Variants in SLITRK5 observed in about 807,000 individuals in gnomAD.
SLITRK5 encodes SLIT and NTRK-like protein 5.
A neutral mutation model predicts 56.2 loss-of-function variants in SLITRK5; 23 were observed. The ratio of observed to expected loss-of-function variants is 0.41; its 90% CI spans 0.29 to 0.58. The LOEUF (loss-of-function observed/expected upper bound fraction) is 0.58. SLITRK5 is among the 20% of genes least tolerant of loss of function. The pLI is 0.30. For missense variants in SLITRK5, 1,289 were observed against 1,226.6 expected (o/e 1.05, Z -0.76); for synonymous variants, 637 against 531.8 (o/e 1.20, Z -2.72).
At position 87,675,752 on chromosome 13, in the gene SLITRK5, A is replaced by G. The variant is rs1213653746; in HGVS notation, c.364A>G (p.Thr122Ala). 6.2e-7 allele frequency: 1 copy of G among 1,614,014 alleles called. No individual in the cohort carries two copies. Among genetic ancestry groups the G allele is most frequent in the Non-Finnish European group, 8.5e-7 (1 of 1,180,034 alleles). The stretch of plus-strand genomic sequence containing the variant: ...TAGCAATGTTATCCAGGACATTGAG[A>G]CCGGGGCTTTCCATGGGCTACGGGG... ...LGSNVIQDIE[T>A]GAFHGLRGLR... Residue 122 changes from threonine (T) to alanine (A), a missense_variant, in exon 2 of 2, where the codon ACC becomes GCC. By Grantham distance (58) the Thr-to-Ala change is moderately conservative. Coordinates refer to ENST00000683689, the MANE Select transcript of SLITRK5 (RefSeq NM_001384609.1).
rs1393571682 is a variant in SLITRK5, at chr13:87,677,957, G to C, written c.2569G>C (p.Gly857Arg). 2 of 1,613,974 alleles carry C rather than the reference G, an allele frequency of 1.2e-6. No individual in the cohort carries two copies. Among genetic ancestry groups the C allele is most frequent in the East Asian group, 4.5e-5 (2 of 44,836 alleles). ...PVQDADRFYRGILEPDKHCST... is the reference protein window; with the variant it reads ...PVQDADRFYRRILEPDKHCST... ...GCAGGACGCCGACCGCTTTTACAGGGGCATTTTAGAACCAGACAAACACTG... is the reference window on the plus strand; with the variant it reads ...GCAGGACGCCGACCGCTTTTACAGGCGCATTTTAGAACCAGACAAACACTG... The change falls in exon 2 of 2, where the codon GGC becomes CGC. Residue 857 changes from glycine to arginine, a missense_variant. By Grantham distance (125) the Gly-to-Arg change is moderately radical. Around this residue, in one of 3 missense-constraint regions of SLITRK5, gnomAD observed 985 missense variants for 906.0 expected, o/e 1.09. Transcript: ENST00000683689. This position sits in a 1 kb window ranked among gnomAD's most constrained non-coding sequence, Gnocchi z 4.7.
Position 87,676,585 on chromosome 13 carries a change from G to T in SLITRK5, c.1197G>T (p.Glu399Asp). ...TAAACTGCCAGGAGCGAAAGATCGAGAGCATCGCTGAACTGCAGCCCAAGC... is the reference window on the plus strand; with the variant it reads ...TAAACTGCCAGGAGCGAAAGATCGATAGCATCGCTGAACTGCAGCCCAAGC... The part of the protein sequence containing the change: ...LNVNCQERKI[E>D]SIAELQPKPY... The change falls in exon 2 of 2, where the codon GAG (glutamate) becomes GAT (aspartate). Residue 399 changes from glutamate (E) to aspartate (D), a missense_variant. By Grantham distance (45) the Glu-to-Asp change is conservative (BLOSUM62 2). Transcript: ENST00000683689. The T allele has an allele frequency of 6.2e-7, 1 of 1,614,124 alleles. No homozygotes were observed. Among genetic ancestry groups the T allele is most frequent in the South Asian group, 1.1e-5 (1 of 91,078 alleles).
At chr13:87,674,428 T>A in intron 1 of SLITRK5, 2 of 984,806 alleles carry the variant, frequency 2.0e-6, no homozygotes. Context: ...TTCGTGCTGA[T>A]CCTTGGTGTA....
chr13:87,677,446 G>T lies in SLITRK5; in HGVS notation c.2058G>T (p.Val686=). The T allele has an allele frequency of 6.2e-7, 1 of 1,613,050 alleles. No individual in the cohort carries two copies. The highest frequency in any genetic ancestry group is 8.5e-7 in the Non-Finnish European group (1 of 1,180,008). ...MSVFVAAGLF[V]LVMKRRKKNQ... Reference sequence around the variant, plus strand: ...TCTTCGTGGCCGCCGGGCTCTTCGTGCTGGTCATGAAGCGCAGGAAGAAGA... The same window carrying T: ...TCTTCGTGGCCGCCGGGCTCTTCGTTCTGGTCATGAAGCGCAGGAAGAAGA... Residue 686 remains valine, a synonymous_variant, in exon 2 of 2, where the codon GTG becomes GTT. Coordinates refer to ENST00000683689, the MANE Select transcript of SLITRK5 (RefSeq NM_001384609.1). The surrounding 1 kb of genome is among the most constrained non-coding windows in gnomAD (Gnocchi z 4.7).
At chr13:87,673,022 G>C (rs943262960) in intron 1 of SLITRK5, among the ~76,000 whole-genome samples, 8 of 151,258 alleles carry the variant, frequency 5.3e-5, no homozygotes, top group Middle Eastern at 3.4e-3. Flanking sequence ...CTGGAACTCC[G>C]GGTGCTTCTG....
chr13:87,674,899 G>A lies in SLITRK5; in HGVS notation c.-8-482G>A, dbSNP rs74105828. 5.5e-3 allele frequency among the ~76,000 whole-genome samples: 805 copies of A among 146,564 alleles called. 6 individuals carry two copies. The highest frequency in any genetic ancestry group is 0.019 in the African/African-American group (750 of 40,360). Reference sequence around the variant, plus strand: ...AAGTATTTTGGCTCCTTGCCTCTCTGTGAACATGAGAGACCTTCACGGTGA... The same window carrying A: ...AAGTATTTTGGCTCCTTGCCTCTCTATGAACATGAGAGACCTTCACGGTGA... On this transcript the variant is annotated intron_variant, in intron 1 of 1. Coordinates refer to ENST00000683689, the MANE Select transcript of SLITRK5 (RefSeq NM_001384609.1).
chr13:87,676,652 G>A lies in SLITRK5; in HGVS notation c.1264G>A (p.Ala422Thr). 6.2e-7 allele frequency: 1 copy of A among 1,613,918 alleles called. No individual in the cohort carries two copies. Among genetic ancestry groups the A allele is most frequent in the East Asian group, 2.2e-5 (1 of 44,860 alleles). Residue 422 changes from alanine (A) to threonine (T), a missense_variant, in exon 2 of 2, where the codon GCT becomes ACT. By Grantham distance (58) the Ala-to-Thr change is moderately conservative. Around this residue, in one of 3 missense-constraint regions of SLITRK5, gnomAD observed 985 missense variants for 906.0 expected, o/e 1.09. Transcript: ENST00000683689. ...KKMYLTENYI[A>T]VVRRTDFLEA... The stretch of plus-strand genomic sequence containing the variant: ...AATGTATCTGACAGAGAACTACATC[G>A]CTGTCGTGCGCAGGACAGACTTCCT...
rs529890068 is a variant in SLITRK5, at chr13:87,674,342, C to T, written c.-8-1039C>T. 263 of 966,158 alleles carry T rather than the reference C, an allele frequency of 2.7e-4. No homozygotes were observed. The African/African-American group carries it at 4.3e-3, about 16-fold the overall frequency. The allele number at this position is 966,158 out of a possible 1,614,324, so 59.8% of individuals were successfully genotyped here. On this transcript the variant is annotated intron_variant, in intron 1 of 1. Transcript: ENST00000683689. Reference sequence around the variant, plus strand: ...ATAAGCAACTCCAAAGATGGGGATGCTGTCGAGGTGGTAGTTCCGTGCAAA... The same window carrying T: ...ATAAGCAACTCCAAAGATGGGGATGTTGTCGAGGTGGTAGTTCCGTGCAAA...
rs747772683 is a variant in SLITRK5 at position 87,677,447 on chromosome 13, C to G, written c.2059C>G (p.Leu687Val). ...SVFVAAGLFV[L>V]VMKRRKKNQS... ...CTTCGTGGCCGCCGGGCTCTTCGTG[C>G]TGGTCATGAAGCGCAGGAAGAAGAA... Residue 687 changes from leucine to valine, a missense_variant, in exon 2 of 2, where the codon CTG (leucine) becomes GTG (valine). Physicochemically the swap from Leu to Val is conservative, Grantham distance 32 (BLOSUM62 1). Around this residue, in one of 3 missense-constraint regions of SLITRK5, gnomAD observed 985 missense variants for 906.0 expected, o/e 1.09. Transcript: ENST00000683689. The surrounding 1 kb of genome is among the most constrained non-coding windows in gnomAD (Gnocchi z 4.7). 2 of 1,613,076 alleles carry G rather than the reference C, an allele frequency of 1.2e-6. No homozygotes were observed. The highest frequency in any genetic ancestry group is 1.7e-6 in the Non-Finnish European group (2 of 1,180,008).
rs199569920 is a variant in SLITRK5, at chr13:87,677,192, G to T, written c.1804G>T (p.Asp602Tyr). ...CKAPKKFAETDMRSIKSELLC... is the reference protein window; with the variant it reads ...CKAPKKFAETYMRSIKSELLC... ...GGCGCCCAAAAAATTCGCTGAGACC[G>T]ACATGCGCTCCATTAAGTCGGAGCT... The change falls in exon 2 of 2, where the codon GAC becomes TAC. Residue 602 changes from aspartate to tyrosine, a missense_variant. Around this residue, in one of 3 missense-constraint regions of SLITRK5, gnomAD observed 985 missense variants for 906.0 expected, o/e 1.09. Transcript: ENST00000683689. This position sits in a 1 kb window ranked among gnomAD's most constrained non-coding sequence, Gnocchi z 4.7. 3.7e-6 allele frequency: 6 copies of T among 1,614,174 alleles called. No homozygotes were observed. The highest frequency in any genetic ancestry group is 1.6e-4 in the Middle Eastern group (1 of 6,062).
In SLITRK5 at chr13:87,676,657, C is replaced by T. The variant is rs1473703645; in HGVS notation, c.1269C>T (p.Val423=). ...ATCTGACAGAGAACTACATCGCTGT[C>T]GTGCGCAGGACAGACTTCCTGGAGG... ...KMYLTENYIA[V]VRRTDFLEAT... Residue 423 remains valine (V), a synonymous_variant, in exon 2 of 2, where the codon GTC becomes GTT. Coordinates refer to ENST00000683689, the MANE Select transcript of SLITRK5 (RefSeq NM_001384609.1). The T allele has an allele frequency of 3.7e-6, 6 of 1,613,870 alleles. No homozygotes were observed. Among genetic ancestry groups the T allele is most frequent in the South Asian group, 2.2e-5 (2 of 91,078 alleles).
intron 1 of SLITRK5, chr13:87,674,387 A>G: frequency 1.0e-6 from 1 of 985,346 alleles, no homozygotes; most frequent in Non-Finnish European, 1.2e-6. Flanking sequence ...TACCGTTGCA[A>G]ATAGACGCGG....
rs757099646 is a variant in SLITRK5, at chr13:87,677,657, G to C, written c.2269G>C (p.Gly757Arg). The change falls in exon 2 of 2, where the codon GGC (glycine) becomes CGC (arginine). Residue 757 changes from glycine (G) to arginine (R), a missense_variant. Transcript: ENST00000683689. The surrounding 1 kb of genome is among the most constrained non-coding windows in gnomAD (Gnocchi z 4.7). ...HVYEYIPHPL[G>R]HMCKNPIYRS... is the part of the protein sequence containing the mutation. ...GTATGAATACATCCCCCACCCACTG[G>C]GCCACATGTGCAAAAACCCCATCTA... 27 of 1,606,780 alleles carry C rather than the reference G, an allele frequency of 1.7e-5. No individual in the cohort carries two copies. Among genetic ancestry groups the C allele is most frequent in the Non-Finnish European group, 2.3e-5 (27 of 1,174,526 alleles).
In SLITRK5 at chr13:87,675,365, T is replaced by A. The variant is rs759072017; in HGVS notation, c.-8-16T>A. ...GTCATATTCTGTTATTTCCTTGTTT[T>A]CTCTCTCCCTTACAGGAGGTAAAAT... On this transcript the variant is annotated splice_polypyrimidine_tract_variant and intron_variant, in intron 1 of 1. Transcript: ENST00000683689. 2 of 1,586,346 alleles carry A rather than the reference T, an allele frequency of 1.3e-6. No homozygotes were observed. The highest frequency in any genetic ancestry group is 2.2e-5 in the East Asian group (1 of 44,586).
rs775822710 is a variant in SLITRK5, at chr13:87,675,680, C to T, written c.292C>T (p.Pro98Ser). The change falls in exon 2 of 2, where the codon CCC (proline) becomes TCC (serine). Residue 98 changes from proline to serine, a missense_variant. Transcript: ENST00000683689. ...CGGAAACCTTTTGAACCGTCTCTATCCCAATGAGTTTGTCAATTACACTGG... is the reference window on the plus strand; with the variant it reads ...CGGAAACCTTTTGAACCGTCTCTATTCCAATGAGTTTGTCAATTACACTGG... ...LSGNLLNRLY[P>S]NEFVNYTGAS... The T allele has an allele frequency of 6.2e-7, 1 of 1,614,160 alleles. No homozygotes were observed. The highest frequency in any genetic ancestry group is 2.2e-5 in the East Asian group (1 of 44,868).
chr13:87,676,977 T>C lies in SLITRK5; in HGVS notation c.1589T>C (p.Leu530Pro). 1 of 1,614,134 alleles carries C rather than the reference T, an allele frequency of 6.2e-7. No individual in the cohort carries two copies. Among genetic ancestry groups the C allele is most frequent in the Non-Finnish European group, 8.5e-7 (1 of 1,180,038 alleles). ...MPSGVFSGLTLLRLNLRSNHF... is the reference protein window; with the variant it reads ...MPSGVFSGLTPLRLNLRSNHF... Reference sequence around the variant, plus strand: ...TCAGGCGTCTTCTCTGGCTTGACCCTCCTCAGGCTAAACCTGAGGAGTAAC... The same window carrying C: ...TCAGGCGTCTTCTCTGGCTTGACCCCCCTCAGGCTAAACCTGAGGAGTAAC... Residue 530 changes from leucine to proline, a missense_variant, in exon 2 of 2, where the codon CTC becomes CCC. By Grantham distance (98) the Leu-to-Pro change is moderately conservative. Around this residue, in one of 3 missense-constraint regions of SLITRK5, gnomAD observed 985 missense variants for 906.0 expected, o/e 1.09. Transcript: ENST00000683689.
In SLITRK5 at chr13:87,671,722, A is replaced by T. The variant is rs1652613734; in HGVS notation, c.-496A>T. 6.6e-6 allele frequency among the ~76,000 whole-genome samples: 1 copy of T among 152,040 alleles called. No individual in the cohort carries two copies. Among genetic ancestry groups the T allele is most frequent in the Admixed American group, 6.5e-5 (1 of 15,280 alleles). ...GCATCTGGGGAAGGGATACAGAAAA[A>T]AACCCTGCAAACACCGTGAGGATGA... On this transcript the variant is annotated 5_prime_UTR_variant, in exon 1 of 2. Coordinates refer to ENST00000683689, the MANE Select transcript of SLITRK5 (RefSeq NM_001384609.1).
At position 87,677,603 on chromosome 13, in the gene SLITRK5, C is replaced by A; in HGVS notation, c.2215C>A (p.Pro739Thr). The change falls in exon 2 of 2, where the codon CCC becomes ACC. Residue 739 changes from proline to threonine, a missense_variant. Pro to Thr is a conservative substitution (Grantham distance 38). Around this residue, in one of 3 missense-constraint regions of SLITRK5, gnomAD observed 985 missense variants for 906.0 expected, o/e 1.09. Transcript: ENST00000683689. This position sits in a 1 kb window ranked among gnomAD's most constrained non-coding sequence, Gnocchi z 4.7. The part of the protein sequence containing the change: ...AHVHHRGPAL[P>T]KVKTPAGHVY... ...CGTGCATCACCGCGGGCCCGCGCTGCCCAAGGTGAAGACGCCCGCGGGCCA... is the reference window on the plus strand; with the variant it reads ...CGTGCATCACCGCGGGCCCGCGCTGACCAAGGTGAAGACGCCCGCGGGCCA... 5 of 1,609,980 alleles carry A rather than the reference C, an allele frequency of 3.1e-6. No homozygotes were observed. Among genetic ancestry groups the A allele is most frequent in the Non-Finnish European group, 4.2e-6 (5 of 1,177,268 alleles).
rs1045486519 is a variant in SLITRK5 at position 87,679,149 on chromosome 13, C to T, written c.*884C>T. ...ATTCAAAATGTGGAGAATTTAATGG[C>T]TAAATCTTTAAAAGCCAATGCAACC... On this transcript the variant is annotated 3_prime_UTR_variant, in exon 2 of 2. Transcript: ENST00000683689. 2 of 166,836 alleles carry T rather than the reference C, an allele frequency of 1.2e-5. No individual in the cohort carries two copies. Among genetic ancestry groups the T allele is most frequent in the Non-Finnish European group, 2.9e-5 (2 of 68,100 alleles). 10.3% of individuals were successfully genotyped at this position (166,836 alleles called of 1,614,324 possible). A position where few individuals can be genotyped will look rare whatever the true frequency, so the allele number is the denominator to read the frequency against.
Sources: allele counts gnomAD v4.1 joint callset (sites outside exome capture counted in the v4.1 genomes callset), GRCh38; gene constraint gnomAD v4.1.1; regional missense constraint gnomAD v4.1.1; non-coding constraint Gnocchi (gnomAD v3.1); transcripts MANE v1.5; gene names NCBI Gene and HGNC (gene_info 2026-07-23, HGNC 2026-07-21).